CCDC30: variants seen among roughly 807,000 people sequenced by gnomAD.
The protein encoded by CCDC30 is coiled-coil domain containing 30.
In CCDC30, 70 loss-of-function variants were observed where a neutral mutation model predicts 100.2. The observed-to-expected ratio is 0.70, with a 90% confidence interval of 0.58 to 0.85. CCDC30 has a LOEUF of 0.85. Among genes scored for constraint, CCDC30 ranks in the 40% least tolerant of loss-of-function variants. The probability of loss-of-function intolerance (pLI) is 0.00; values close to 1 mark genes in which losing one functional copy is unlikely to be tolerated. For missense variants in CCDC30, 652 were observed against 771.2 expected (o/e 0.85, Z 1.83); for synonymous variants, 233 against 269.5 (o/e 0.86, Z 1.33).
At chr1:42,613,246 T>C (rs1019401505) in intron 11 of CCDC30, among the ~76,000 whole-genome samples, 1 of 20,642 alleles carries the variant, frequency 4.8e-5, no homozygotes, top group African/African-American at 2.3e-4. Flanking sequence ...ACGTGCTTTA[T>C]TTTATTTTAT....
upstream of CCDC30, chr1:42,459,828 C>G (rs889514468): frequency 6.2e-7 from 1 of 1,614,036 alleles, no homozygotes. Context: ...CAAGTTATTG[C>G]TATCAGAGGA....
Position 42,478,801 on chromosome 1 carries a change from C to G in CCDC30, c.-91-1660C>G, listed in dbSNP as rs551525480. 5.3e-5 allele frequency among the ~76,000 whole-genome samples: 8 copies of G among 152,024 alleles called. No homozygotes were observed. In the East Asian group the frequency reaches 1.2e-3, roughly 22 times the overall value. On this transcript the variant is annotated intron_variant, in intron 1 of 16. Coordinates refer to ENST00000668663, the Ensembl canonical transcript of CCDC30. ...AAAACAAAAACCAAACTGCGCCCCCCCAAGATACCCATTTTATGATAAAAT... is the reference window on the plus strand; with the variant it reads ...AAAACAAAAACCAAACTGCGCCCCCGCAAGATACCCATTTTATGATAAAAT...
the CCDC30 span, chr1:42,457,073 G>T: frequency 6.3e-7 from 1 of 1,593,178 alleles, no homozygotes; most frequent in Non-Finnish European, 8.5e-7. Flanking sequence ...CAATCCGCTA[G>T]GTGCGTGCCC....
intron 6 of CCDC30, among the ~76,000 whole-genome samples, chr1:42,522,118 T>TA (rs1326401819): frequency 6.6e-6 from 1 of 152,216 alleles, no homozygotes; most frequent in Non-Finnish European, 1.5e-5. Context: ...TTACAATACT[T>TA]AATACAATGT....
At chr1:42,472,334 C>G (rs770474961) in intron 1 of CCDC30, among the ~76,000 whole-genome samples, 9 of 152,142 alleles carry the variant, frequency 5.9e-5, no homozygotes, top group Non-Finnish European at 1.0e-4. Context: ...CATATACTGT[C>G]ATACTGCAAA....
rs1570136831 is a variant in CCDC30, at chr1:42,580,654, A to G, written c.847-706A>G. ...CTGCTACATGAAAAAGGCAAGAAAA[A>G]AATGTTTTTAAATGACACTTTAAAT... is the stretch of plus-strand genomic sequence containing the variant. On this transcript the variant is annotated intron_variant, in intron 8 of 16. Coordinates refer to ENST00000668663, the Ensembl canonical transcript of CCDC30. Among the ~76,000 whole-genome samples, 6 of 152,324 alleles carry G rather than the reference A, an allele frequency of 3.9e-5. No individual in the cohort carries two copies. In the South Asian group the frequency reaches 1.2e-3, roughly 32 times the overall value.
chr1:42,541,545 C>T (rs969533544), intron 6 of CCDC30, among the ~76,000 whole-genome samples: 4 of 152,200 alleles, frequency 2.6e-5, no homozygotes, highest in Admixed American at 2.6e-4. Flanking sequence ...TATCAGGAGA[C>T]ATGACATTTT....
intron 6 of CCDC30, among the ~76,000 whole-genome samples, chr1:42,547,022 A>G (rs1036685702): frequency 6.6e-6 from 1 of 152,164 alleles, no homozygotes; most frequent in South Asian, 2.1e-4. Context: ...AGATAGAAGG[A>G]GATTATTTTG....
At chr1:42,610,038 C>T (rs12564805) in intron 10 of CCDC30, among the ~76,000 whole-genome samples, 19,119 of 152,222 alleles carry the variant, frequency 0.13, 1,405 homozygotes, top group East Asian at 0.17. Context: ...CAGACAATGC[C>T]TTGTTCCAGT....
chr1:42,646,055 C>A, intron 14 of CCDC30, 80 bp from the exon 19 acceptor site: 1 of 1,476,468 alleles, frequency 6.8e-7, no homozygotes, highest in Non-Finnish European at 9.0e-7. Context: ...ACTCAATATT[C>A]CGTATGTGTC....
At chr1:42,518,184 C>T (rs1399662780) in intron 6 of CCDC30, among the ~76,000 whole-genome samples, 1 of 152,120 alleles carries the variant, frequency 6.6e-6, no homozygotes, top group Non-Finnish European at 1.5e-5. Context: ...TTTCACCTCT[C>T]TTCATTAAGC....
At chr1:42,589,691 G>T (rs934239171) in intron 10 of CCDC30, 1 of 402,506 alleles carries the variant, frequency 2.5e-6, no homozygotes, top group Non-Finnish European at 4.4e-6. Context: ...CCAGGGGAGA[G>T]TAGAGTCAGA....
intron 12 of CCDC30, among the ~76,000 whole-genome samples, chr1:42,641,215 T>TTGTG (rs71065188): frequency 0.079 from 10,425 of 132,296 alleles, 407 homozygotes; most frequent in Admixed American, 0.1. Flanking sequence ...CACATGGCTT[T>TTGTG]TGTGTGTGTG....
At chr1:42,601,532 A>G (rs1332745033) in intron 10 of CCDC30, among the ~76,000 whole-genome samples, 2 of 152,174 alleles carry the variant, frequency 1.3e-5, no homozygotes, top group African/African-American at 4.8e-5. Flanking sequence ...AGGGCATCCC[A>G]TTTTGGGACA....
intron 6 of CCDC30, among the ~76,000 whole-genome samples, chr1:42,499,351 G>T (rs1644273572): frequency 6.6e-6 from 1 of 152,116 alleles, no homozygotes; most frequent in Admixed American, 6.5e-5. Context: ...TGCCTTTTGA[G>T]GGTGTCTAAT....
At chr1:42,528,047 G>T (rs1410881080) in intron 6 of CCDC30, among the ~76,000 whole-genome samples, 1 of 151,946 alleles carries the variant, frequency 6.6e-6, no homozygotes, top group Non-Finnish European at 1.5e-5. Flanking sequence ...TGTATTTTTG[G>T]TAGAGATGGG....
intron 11 of CCDC30, among the ~76,000 whole-genome samples, chr1:42,630,566 G>T (rs954958064): frequency 7.3e-5 from 11 of 151,610 alleles, no homozygotes; most frequent in African/African-American, 2.7e-4. Context: ...ATTTTTAGTA[G>T]AGACAGGGTT....
chr1:42,540,109 TG>T (rs2148525776), intron 6 of CCDC30, among the ~76,000 whole-genome samples: 1 of 152,300 alleles, frequency 6.6e-6, no homozygotes, highest in East Asian at 1.9e-4. Flanking sequence ...AGCAAAGTCT[TG>T]AATACAGCAG....
In CCDC30 at chr1:42,477,324, G is replaced by T. The variant is rs146206394; in HGVS notation, c.-91-3137G>T. Reference sequence around the variant, plus strand: ...GGCTCACTGCAACCTCTGCCTCCCGGCTTCAAGGGATTCTCCTGCCTCAGC... The same window carrying T: ...GGCTCACTGCAACCTCTGCCTCCCGTCTTCAAGGGATTCTCCTGCCTCAGC... On this transcript the variant is annotated intron_variant, in intron 1 of 16. Coordinates refer to ENST00000668663, the Ensembl canonical transcript of CCDC30. Among the ~76,000 whole-genome samples the T allele has an allele frequency of 7.6e-3, 1,157 of 152,074 alleles. 16 individuals are homozygous for T. Among genetic ancestry groups the T allele is most frequent in the African/African-American group, 0.027 (1,111 of 41,466 alleles).
Sources: allele counts gnomAD v4.1 joint callset (sites outside exome capture counted in the v4.1 genomes callset), GRCh38; gene constraint gnomAD v4.1.1; transcripts MANE v1.5; gene names NCBI Gene and HGNC (gene_info 2026-07-23, HGNC 2026-07-21).